MIPEP: variants seen among roughly 807,000 people sequenced by gnomAD.
MIPEP encodes the protein mitochondrial intermediate peptidase.
Under a neutral mutation model 90.3 loss-of-function variants are expected in MIPEP, and 79 were observed. The observed-to-expected ratio is 0.87, with a 90% CI of 0.73 to 1.05. The LOEUF is 1.05. MIPEP is among the 50% of genes least tolerant of loss of function. MIPEP has a pLI of 0.00. For missense variants in MIPEP, 940 were observed against 905.6 expected (o/e 1.04, Z -0.49); for synonymous variants, 334 against 315.8 (o/e 1.06, Z -0.61).
intron 14 of MIPEP, among the ~76,000 whole-genome samples, chr13:23,833,701 T>A (rs1261534032): frequency 6.6e-6 from 1 of 152,192 alleles, no homozygotes; most frequent in East Asian, 1.9e-4. Context: ...GACATTTGTA[T>A]ATGTGGTAAA....
At chr13:23,824,188 T>C (rs1306114492) in intron 14 of MIPEP, among the ~76,000 whole-genome samples, 1 of 152,248 alleles carries the variant, frequency 6.6e-6, no homozygotes, top group East Asian at 1.9e-4. Context: ...GTTGTAAGCA[T>C]GTAATCTCAT....
At chr13:23,737,524 G>C (rs1952278813) in intron 18 of MIPEP, among the ~76,000 whole-genome samples, 1 of 152,132 alleles carries the variant, frequency 6.6e-6, no homozygotes, top group Non-Finnish European at 1.5e-5. Context: ...CTTTCGCCAA[G>C]AAAAAATCCT....
At chr13:23,750,888 G>T (rs192776595) in intron 18 of MIPEP, among the ~76,000 whole-genome samples, 10 of 152,326 alleles carry the variant, frequency 6.6e-5, no homozygotes, top group Admixed American at 3.9e-4. Context: ...AGCTCTTTCA[G>T]TGGGCCCCTG....
chr13:23,817,688 T>A (rs1187699578), intron 14 of MIPEP, among the ~76,000 whole-genome samples: 1 of 152,150 alleles, frequency 6.6e-6, no homozygotes, highest in Non-Finnish European at 1.5e-5. Flanking sequence ...ATGCTGCAGG[T>A]GTGTAACGTC....
intron 1 of MIPEP, 60 bp downstream of exon 1, chr13:23,889,072 G>T: frequency 7.5e-7 from 1 of 1,327,714 alleles, no homozygotes; most frequent in Non-Finnish European, 9.7e-7. Context: ...GTTGCTGGCC[G>T]CGCGGAGCAG....
At chr13:23,764,416 G>A (rs34038706) in intron 16 of MIPEP, among the ~76,000 whole-genome samples, 35,662 of 152,048 alleles carry the variant, frequency 0.23, 4,402 homozygotes, top group East Asian at 0.43. Context: ...TTCCAGGGCC[G>A]GAAATGGAAA....
chr13:23,753,250 T>C (rs552803550), intron 18 of MIPEP, among the ~76,000 whole-genome samples: 6 of 150,120 alleles, frequency 4.0e-5, no homozygotes, highest in African/African-American at 1.5e-4. Context: ...ATAATAATAA[T>C]AATAAGACAA....
intron 18 of MIPEP, among the ~76,000 whole-genome samples, chr13:23,751,155 A>C (rs989821349): frequency 6.6e-6 from 1 of 152,220 alleles, no homozygotes; most frequent in African/African-American, 2.4e-5. Flanking sequence ...TGTTTGCATT[A>C]ATCTTCTTGG....
intron 14 of MIPEP, among the ~76,000 whole-genome samples, chr13:23,833,742 T>G (rs1036784978): frequency 1.3e-5 from 2 of 152,172 alleles, no homozygotes; most frequent in Admixed American, 1.3e-4. Context: ...TTTAAAAAAA[T>G]GACTACTGTG....
intron 12 of MIPEP, among the ~76,000 whole-genome samples, chr13:23,838,693 C>A (rs1446635961): frequency 6.6e-6 from 1 of 152,176 alleles, no homozygotes; most frequent in Non-Finnish European, 1.5e-5. Context: ...CACCTTGGAT[C>A]TGAACCCAGG....
At chr13:23,866,097 CCTCT>C (rs1309067045) in intron 7 of MIPEP, among the ~76,000 whole-genome samples, 2 of 152,112 alleles carry the variant, frequency 1.3e-5, no homozygotes, top group African/African-American at 4.8e-5. Flanking sequence ...CCTCAGTCAG[CCTCT>C]CTGTCTTCCT....
chr13:23,882,106 G>A (rs1593209998), intron 2 of MIPEP, among the ~76,000 whole-genome samples: 2 of 138,468 alleles, frequency 1.4e-5, no homozygotes, highest in Non-Finnish European at 3.0e-5. Context: ...GTCTTGCTCC[G>A]TCGCCCAGGC....
chr13:23,859,544 C>G (rs140799966), intron 9 of MIPEP, among the ~76,000 whole-genome samples: 22 of 152,220 alleles, frequency 1.4e-4, no homozygotes, highest in Middle Eastern at 3.4e-3. Flanking sequence ...GTTAAGAGAC[C>G]AGGCTGTGAA....
intron 11 of MIPEP, 35 bp downstream of exon 11, chr13:23,841,300 T>G (rs572700908): frequency 1.3e-6 from 2 of 1,579,104 alleles, no homozygotes; most frequent in Non-Finnish European, 1.7e-6. Context: ...GAAAGGTAAA[T>G]GCCTGCAACT....
rs149048387 is a variant in MIPEP, at chr13:23,855,002, T to C, written c.1106+3858A>G. On this transcript the variant is annotated intron_variant, in intron 10 of 18. Coordinates refer to ENST00000382172, the MANE Select transcript of MIPEP (RefSeq NM_005932.4). ...GAAAAGAAATAGTGTTTCCAAAGCA[T>C]CAAAAACAAAATCCAAACACTGGAA... 2.3e-3 allele frequency among the ~76,000 whole-genome samples: 352 copies of C among 152,060 alleles called. 2 individuals carry two copies. The highest frequency in any genetic ancestry group is 8.1e-3 in the African/African-American group (334 of 41,474).
intron 7 of MIPEP, among the ~76,000 whole-genome samples, chr13:23,867,327 A>G (rs1333286682): frequency 2.6e-5 from 4 of 152,144 alleles, no homozygotes; most frequent in African/African-American, 9.7e-5. Context: ...AGCACTTGAT[A>G]GTGACTCTGC....
chr13:23,767,986 T>C (rs558444578), intron 16 of MIPEP, among the ~76,000 whole-genome samples: 2 of 152,302 alleles, frequency 1.3e-5, no homozygotes, highest in African/African-American at 4.8e-5. Context: ...CCGAGGCGTG[T>C]GGCTGTGCGA....
chr13:23,881,550 GC>G (rs1302059732), intron 3 of MIPEP, 148 bp downstream of exon 3: 1 of 659,600 alleles, frequency 1.5e-6, no homozygotes, highest in African/African-American at 1.8e-5. Context: ...CCTGTCCTGA[GC>G]CCTCCCTCCG....
chr13:23,793,985 C>T lies in MIPEP; in HGVS notation c.1848+11965G>A, dbSNP rs538141681. On this transcript the variant is annotated intron_variant, in intron 16 of 18. Coordinates refer to ENST00000382172, the MANE Select transcript of MIPEP (RefSeq NM_005932.4). Reference sequence around the variant, plus strand: ...CCATTGAGGGTTTTAAGGGAAGGGACGTCACACTCAAATCTGTATTTAGAA... The same window carrying T: ...CCATTGAGGGTTTTAAGGGAAGGGATGTCACACTCAAATCTGTATTTAGAA... Among the ~76,000 whole-genome samples the T allele has an allele frequency of 3.9e-5, 6 of 152,144 alleles. 1 individual carries two copies. In the South Asian group the frequency reaches 6.2e-4, roughly 16 times the overall value.
Sources: allele counts gnomAD v4.1 joint callset (sites outside exome capture counted in the v4.1 genomes callset), GRCh38; gene constraint gnomAD v4.1.1; transcripts MANE v1.5; gene names NCBI Gene and HGNC (gene_info 2026-07-23, HGNC 2026-07-21).